Variants in PTGER3 observed in about 807,000 individuals in gnomAD.
PTGER3 encodes prostaglandin E receptor 3.
A neutral mutation model predicts 34.7 loss-of-function variants in PTGER3; 22 were observed. The observed-to-expected ratio is 0.63, with a 90% CI of 0.45 to 0.91. The LOEUF is 0.91. Ranked by LOEUF, PTGER3 falls within the 40% of genes least tolerant of loss-of-function variation. The probability of loss-of-function intolerance (pLI) is 0.00; values close to 1 mark genes in which losing one functional copy is unlikely to be tolerated. For missense variants in PTGER3, 468 were observed against 519.4 expected (o/e 0.90, Z 0.96); for synonymous variants, 241 against 230.1 (o/e 1.05, Z -0.43).
intron 2 of PTGER3, among the ~76,000 whole-genome samples, chr1:70,977,643 G>A (rs1344483589): frequency 2.6e-5 from 4 of 152,020 alleles, no homozygotes; most frequent in Non-Finnish European, 4.4e-5. Context: ...CTTCACCTCT[G>A]ATTACTTGAG....
At chr1:70,940,515 G>A (rs1252117722) in intron 4 of PTGER3, among the ~76,000 whole-genome samples, 3 of 152,188 alleles carry the variant, frequency 2.0e-5, no homozygotes, top group Non-Finnish European at 4.4e-5. Context: ...AGAAAAAGAG[G>A]TTTAATTTGA....
At chr1:70,911,652 A>C (rs924583757) in intron 4 of PTGER3, among the ~76,000 whole-genome samples, 3 of 152,170 alleles carry the variant, frequency 2.0e-5, no homozygotes, top group Admixed American at 1.3e-4. Context: ...GAGGAGGGGA[A>C]CTAGGAAGAT....
chr1:70,938,047 G>A (rs1485515413), intron 4 of PTGER3, among the ~76,000 whole-genome samples: 1 of 152,090 alleles, frequency 6.6e-6, no homozygotes, highest in African/African-American at 2.4e-5. Context: ...ATTAAAAGAT[G>A]TCTATTTTGA....
At chr1:70,935,430 C>T (rs544464896) in intron 4 of PTGER3, among the ~76,000 whole-genome samples, 4 of 151,854 alleles carry the variant, frequency 2.6e-5, no homozygotes, top group Non-Finnish European at 4.4e-5. Context: ...TACTATCTGG[C>T]ATGTTTTAGC....
intron 4 of PTGER3, among the ~76,000 whole-genome samples, chr1:70,919,224 C>A (rs763251426): frequency 6.6e-6 from 1 of 152,116 alleles, no homozygotes; most frequent in African/African-American, 2.4e-5. Flanking sequence ...CTAACCCAAT[C>A]CAAATAGACC....
Position 70,981,327 on chromosome 1 carries a change from CT to C in PTGER3, c.1078-6940del, listed in dbSNP as rs1557708705. ...TCCTTCCTTCCTTCCTTTCTTCTTT[CT>C]TTCTTTCTTTCTTTCTTTCTTTCTT... On this transcript the variant is annotated intron_variant, in intron 2 of 3. Transcript: ENST00000306666. Among the ~76,000 whole-genome samples, 53 of 51,552 alleles carry C rather than the reference CT, an allele frequency of 1.0e-3. No homozygotes were observed. In the East Asian group the frequency reaches 0.015, roughly 15 times the overall value. 33.8% of individuals were successfully genotyped at this position (51,552 alleles called of 152,430 possible).
rs1295766665 is a variant in PTGER3, at chr1:71,012,450, G to A, written c.932C>T (p.Ser311Leu). The A allele has an allele frequency of 6.2e-7, 1 of 1,613,628 alleles. No individual in the cohort carries two copies. The highest frequency in any genetic ancestry group is 1.1e-5 in the South Asian group (1 of 90,940). ...MMLKMIFNQT[S>L]VEHCKTHTEK... ...CGTGTGTGTCTTGCAGTGCTCAACT[G>A]ATGTCTGATTGAAGATCATTTTCAA... The change falls in exon 2 of 4, where the codon TCA becomes TTA. Residue 311 changes from serine to leucine, a missense_variant. By Grantham distance (145) the Ser-to-Leu change is moderately radical. Around this residue, in one of 5 missense-constraint regions of PTGER3, gnomAD observed 204 missense variants for 230.8 expected, o/e 0.88. Coordinates refer to ENST00000306666, the MANE Select transcript of PTGER3 (RefSeq NM_198719.2).
intron 1 of PTGER3, among the ~76,000 whole-genome samples, chr1:71,016,556 A>T (rs1480789368): frequency 2.0e-5 from 3 of 152,114 alleles, no homozygotes; most frequent in East Asian, 3.9e-4. Flanking sequence ...TAATCCCAGC[A>T]CTTTGGGAGG....
intron 1 of PTGER3, among the ~76,000 whole-genome samples, chr1:71,029,723 C>T (rs1396042749): frequency 2.0e-5 from 3 of 151,810 alleles, no homozygotes; most frequent in Non-Finnish European, 2.9e-5. Context: ...GTCAGGAATT[C>T]GAGACTAGCC....
At chr1:70,890,567 A>G (rs1439804791) in intron 4 of PTGER3, among the ~76,000 whole-genome samples, 1 of 152,174 alleles carries the variant, frequency 6.6e-6, no homozygotes, top group African/African-American at 2.4e-5. Context: ...AAACGGCACA[A>G]TCATCCACTC....
chr1:70,974,415 G>C, intron 2 of PTGER3, 27 bp from the exon 3 acceptor site: 1 of 849,968 alleles, frequency 1.2e-6, no homozygotes, highest in Non-Finnish European at 2.1e-6. Context: ...GATTTCACAG[G>C]ACACTTCCTT....
chr1:70,868,011 T>G (rs569134258), intron 4 of PTGER3, among the ~76,000 whole-genome samples: 1 of 152,270 alleles, frequency 6.6e-6, no homozygotes, highest in African/African-American at 2.4e-5. Context: ...ATTAATTTTA[T>G]TTGCTGTTTT....
At chr1:70,954,683 T>C (rs1223773676) in intron 2 of PTGER3, among the ~76,000 whole-genome samples, 1 of 152,176 alleles carries the variant, frequency 6.6e-6, no homozygotes, top group Non-Finnish European at 1.5e-5. Context: ...CTTTCACTAT[T>C]ACAGTTTTCT....
intron 2 of PTGER3, among the ~76,000 whole-genome samples, chr1:71,005,307 T>A (rs1656852185): frequency 6.6e-6 from 1 of 152,216 alleles, no homozygotes; most frequent in Non-Finnish European, 1.5e-5. Flanking sequence ...CACTAAAGTT[T>A]AGTCCATTTG....
At chr1:71,017,904 A>G (rs1215391842) in intron 1 of PTGER3, among the ~76,000 whole-genome samples, 3 of 152,178 alleles carry the variant, frequency 2.0e-5, no homozygotes, top group African/African-American at 4.8e-5. Context: ...AGCTGGGATC[A>G]CAGGCACGTG....
intron 4 of PTGER3, among the ~76,000 whole-genome samples, chr1:70,934,426 G>A (rs1649014942): frequency 6.6e-6 from 1 of 152,120 alleles, no homozygotes; most frequent in Non-Finnish European, 1.5e-5. Context: ...CAGGAATTCA[G>A]CTACTTCTGC....
chr1:71,042,953 A>C (rs982275546), intron 1 of PTGER3, among the ~76,000 whole-genome samples: 1 of 152,196 alleles, frequency 6.6e-6, no homozygotes, highest in African/African-American at 2.4e-5. Context: ...CTCATACCTC[A>C]CTTTTCATGA....
intron 2 of PTGER3, among the ~76,000 whole-genome samples, chr1:70,978,295 T>C (rs1164018829): frequency 2.0e-5 from 3 of 152,184 alleles, no homozygotes; most frequent in Admixed American, 2.0e-4. Flanking sequence ...GCATATTAAG[T>C]TCTAGTATTT....
At chr1:70,964,588 G>A (rs1487259077) in intron 2 of PTGER3, among the ~76,000 whole-genome samples, 6 of 152,124 alleles carry the variant, frequency 3.9e-5, no homozygotes, top group Non-Finnish European at 8.8e-5. Flanking sequence ...AGACAGGAAA[G>A]ACCCGCCCCA....
Sources: gnomAD v4.1 joint callset for allele counts (sites outside exome capture counted in the v4.1 genomes callset) on GRCh38, gnomAD v4.1.1 for gene constraint, gnomAD v4.1.1 regional missense constraint, MANE v1.5 for transcripts, NCBI Gene and HGNC (gene_info 2026-07-23, HGNC 2026-07-21) for gene names.